Variants in MCTP2 observed in about 807,000 individuals in gnomAD.
The protein encoded by MCTP2 is multiple C2 and transmembrane domain-containing protein 2.
Under a neutral mutation model 111.6 loss-of-function variants are expected in MCTP2, and 132 were observed. The observed-to-expected ratio is 1.18, with a 90% confidence interval of 1.03 to 1.37. The LOEUF (loss-of-function observed/expected upper bound fraction) is 1.37, where lower values mean the gene tolerates loss of function less well. Ranked by LOEUF, MCTP2 falls within the 40% of genes most tolerant of loss-of-function variation. The probability of loss-of-function intolerance (pLI) is 0.00; values close to 1 mark genes in which losing one functional copy is unlikely to be tolerated. For missense variants in MCTP2, 1,183 were observed against 1,067.9 expected, an observed-to-expected ratio of 1.11 and a Z score of -1.50; for synonymous variants, 395 against 387.7, an observed-to-expected ratio of 1.02 and a Z score of -0.22.
chr15:94,464,267 A>ATATATATTATATATATATATATAT (rs2085449996), intron 20 of MCTP2, among the ~76,000 whole-genome samples: 1 of 70,196 alleles, frequency 1.4e-5, no homozygotes, highest in African/African-American at 5.3e-5. Context: ...TTATATATAT[A>ATATATATTATATATATATATATAT]TATATATATA....
chr15:94,471,144 G>A (rs973298159), intron 21 of MCTP2, among the ~76,000 whole-genome samples: 1 of 152,186 alleles, frequency 6.6e-6, no homozygotes, highest in Non-Finnish European at 1.5e-5. Flanking sequence ...TCCTGGGTGG[G>A]CTCTGAGTTG....
In MCTP2 at chr15:94,339,326, G is replaced by C. The variant is rs916237068; in HGVS notation, c.674G>C (p.Gly225Ala). The stretch of plus-strand genomic sequence containing the variant: ...CCTTATGTGAAATTTAAGCTGAATG[G>C]GAAGACGCTGTACAAAAGTAAAGTC... ...SDPYVKFKLN[G>A]KTLYKSKVIY... The change falls in exon 5 of 23, where the codon GGG becomes GCG. Residue 225 changes from glycine to alanine, a missense_variant. Transcript: ENST00000357742. The C allele has an allele frequency of 2.5e-6, 4 of 1,610,376 alleles. No homozygotes were observed. Among genetic ancestry groups the C allele is most frequent in the Non-Finnish European group, 3.4e-6 (4 of 1,178,024 alleles).
intron 1 of MCTP2, among the ~76,000 whole-genome samples, chr15:94,251,891 G>C (rs1311623807): frequency 6.6e-6 from 1 of 152,082 alleles, no homozygotes; most frequent in East Asian, 1.9e-4. Flanking sequence ...TATAGTATTT[G>C]TCCATTTGTG....
intron 10 of MCTP2, among the ~76,000 whole-genome samples, chr15:94,362,360 A>G (rs2078985003): frequency 6.6e-6 from 1 of 152,190 alleles, no homozygotes; most frequent in Admixed American, 6.5e-5. Flanking sequence ...CTACAGATTA[A>G]CTCATTATAG....
At chr15:94,245,216 GTGTA>G (rs1216649210) in intron 1 of MCTP2, among the ~76,000 whole-genome samples, 1 of 136,398 alleles carries the variant, frequency 7.3e-6, no homozygotes, top group Non-Finnish European at 1.6e-5. Flanking sequence ...TTATACATAT[GTGTA>G]TATATACATA....
rs1327121387 is a variant in MCTP2, at chr15:94,479,506, G to C, written c.*472G>C. Reference sequence around the variant, plus strand: ...CTCTTCTCAGAGTTAACAAGTCTTTGGTAGTCATCCTCTGTCCAAATATTG... The same window carrying C: ...CTCTTCTCAGAGTTAACAAGTCTTTCGTAGTCATCCTCTGTCCAAATATTG... On this transcript the variant is annotated 3_prime_UTR_variant, in exon 23 of 23. Coordinates refer to ENST00000357742, the MANE Select transcript of MCTP2 (RefSeq NM_001385001.1). 6.2e-6 allele frequency: 1 copy of C among 162,172 alleles called. No homozygotes were observed. The highest frequency in any genetic ancestry group is 1.3e-5 in the Non-Finnish European group (1 of 74,094). The allele number at this position is 162,172 out of a possible 1,614,324, so 10.0% of individuals were successfully genotyped here. A position where few individuals can be genotyped will look rare whatever the true frequency, so the allele number is the denominator to read the frequency against.
At chr15:94,402,827 T>TA in intron 17 of MCTP2, 1 of 1,327,018 alleles carries the variant, frequency 7.5e-7, no homozygotes, top group Non-Finnish European at 9.7e-7. Flanking sequence ...AAGATCACTA[T>TA]AAAAACTAAT....
chr15:94,292,432 G>C (rs2075076178), intron 1 of MCTP2, among the ~76,000 whole-genome samples: 1 of 152,102 alleles, frequency 6.6e-6, no homozygotes, highest in South Asian at 2.1e-4. Flanking sequence ...GAAGTTACAG[G>C]ATACAAAGCC....
At chr15:94,336,941 C>T (rs949794637) in intron 4 of MCTP2, among the ~76,000 whole-genome samples, 7 of 152,142 alleles carry the variant, frequency 4.6e-5, no homozygotes, top group Non-Finnish European at 1.0e-4. Flanking sequence ...TCATTCTCCT[C>T]GCCGAGTACC....
At chr15:94,454,330 G>C (rs2084662596) in intron 19 of MCTP2, among the ~76,000 whole-genome samples, 1 of 152,092 alleles carries the variant, frequency 6.6e-6, no homozygotes, top group Admixed American at 6.6e-5. Context: ...CTTGGTGTTG[G>C]CTGTGATGCA....
intron 4 of MCTP2, among the ~76,000 whole-genome samples, chr15:94,319,080 C>T (rs912568918): frequency 2.1e-5 from 3 of 139,854 alleles, no homozygotes; most frequent in African/African-American, 7.9e-5. Flanking sequence ...TTATTGTTAT[C>T]TGTTAAGAAA....
intron 2 of MCTP2, among the ~76,000 whole-genome samples, chr15:94,304,091 C>T (rs904664915): frequency 6.6e-6 from 1 of 152,166 alleles, no homozygotes; most frequent in African/African-American, 2.4e-5. Context: ...ACCAGATGGT[C>T]ACAAGTCTGA....
intron 4 of MCTP2, among the ~76,000 whole-genome samples, chr15:94,335,073 C>A (rs1437143993): frequency 6.6e-6 from 1 of 152,186 alleles, no homozygotes; most frequent in Non-Finnish European, 1.5e-5. Flanking sequence ...GCTTTCTCCT[C>A]AGTCCTCAAC....
chr15:94,376,942 A>C (rs17548999), intron 12 of MCTP2, among the ~76,000 whole-genome samples: 1 of 152,160 alleles, frequency 6.6e-6, no homozygotes, highest in Non-Finnish European at 1.5e-5. Context: ...TTGTTATACA[A>C]AAAAGTGCTA....
intron 20 of MCTP2, among the ~76,000 whole-genome samples, chr15:94,464,175 C>T (rs2085379471): frequency 7.0e-6 from 1 of 143,296 alleles, no homozygotes; most frequent in South Asian, 2.2e-4. Flanking sequence ...GCTGCTGAAG[C>T]ATCTAGGCCT....
At chr15:94,267,366 T>C (rs56309227) in intron 1 of MCTP2, among the ~76,000 whole-genome samples, 59,594 of 152,140 alleles carry the variant, frequency 0.39, 12,684 homozygotes, top group Admixed American at 0.49. Flanking sequence ...ATAAGCGTTA[T>C]GCTATGTTGT....
intron 14 of MCTP2, among the ~76,000 whole-genome samples, chr15:94,396,119 T>C (rs2081270441): frequency 1.3e-5 from 2 of 152,170 alleles, no homozygotes; most frequent in Non-Finnish European, 2.9e-5. Context: ...GAGTTTATCC[T>C]GGAAAACTGA....
At chr15:94,264,383 T>C (rs189788610) in intron 1 of MCTP2, among the ~76,000 whole-genome samples, 3 of 151,760 alleles carry the variant, frequency 2.0e-5, no homozygotes, top group Non-Finnish European at 2.9e-5. Flanking sequence ...CCGAGGCGGG[T>C]GGATCACGAG....
chr15:94,245,430 ATT>A (rs1220552263), intron 1 of MCTP2, among the ~76,000 whole-genome samples: 4 of 137,234 alleles, frequency 2.9e-5, no homozygotes, highest in Non-Finnish European at 3.1e-5. Flanking sequence ...GTGTGTATAT[ATT>A]TATATATACA....
Sources: allele counts gnomAD v4.1 joint callset (sites outside exome capture counted in the v4.1 genomes callset), GRCh38; gene constraint gnomAD v4.1.1; transcripts MANE v1.5; gene names NCBI Gene and HGNC (gene_info 2026-07-23, HGNC 2026-07-21).